KCNMA1: variants seen among roughly 807,000 people sequenced by gnomAD.
KCNMA1 encodes potassium calcium-activated channel subfamily M alpha 1.
A neutral mutation model predicts 140.0 loss-of-function variants in KCNMA1; 29 were observed. That is an observed-to-expected ratio of 0.21 (90% confidence interval 0.15 to 0.28). The LOEUF (loss-of-function observed/expected upper bound fraction) is 0.28, where lower values mean the gene tolerates loss of function less well. KCNMA1 is among the 10% of genes least tolerant of loss of function. The pLI, the probability that KCNMA1 is intolerant of heterozygous loss-of-function variation, is 1.00. For synonymous variants in KCNMA1, 612 were observed against 611.9 expected (o/e 1.00, Z 0.00); for missense variants, 880 against 1,602.2 (o/e 0.55, Z 7.70).
chr10:77,475,626 G>A (rs1470241703), intron 1 of KCNMA1, among the ~76,000 whole-genome samples: 1 of 152,112 alleles, frequency 6.6e-6, no homozygotes, highest in African/African-American at 2.4e-5. Context: ...AAAGCACAAG[G>A]CTTGGGTTCT....
intron 23 of KCNMA1, among the ~76,000 whole-genome samples, chr10:76,938,412 C>A (rs2061128655): frequency 6.6e-6 from 1 of 152,198 alleles, no homozygotes; most frequent in Non-Finnish European, 1.5e-5. Context: ...TACAGTGACT[C>A]CTTCTAGAAC....
chr10:77,236,377 T>C (rs1429540818), intron 3 of KCNMA1, among the ~76,000 whole-genome samples: 2 of 152,200 alleles, frequency 1.3e-5, no homozygotes, highest in Non-Finnish European at 2.9e-5. Flanking sequence ...TGCAGTCCTA[T>C]GCATTATCGA....
At chr10:76,919,501 G>A (rs2054422078) in intron 23 of KCNMA1, among the ~76,000 whole-genome samples, 1 of 152,088 alleles carries the variant, frequency 6.6e-6, no homozygotes, top group Admixed American at 6.5e-5. Flanking sequence ...TCTATATACT[G>A]TATAAGAACT....
At chr10:77,376,132 T>C (rs984676293) in intron 2 of KCNMA1, among the ~76,000 whole-genome samples, 5 of 152,222 alleles carry the variant, frequency 3.3e-5, no homozygotes, top group African/African-American at 1.2e-4. Context: ...AAGAGGCTCT[T>C]GCTGCTGGCA....
At chr10:77,215,742 T>C (rs1037677956) in intron 3 of KCNMA1, among the ~76,000 whole-genome samples, 9 of 152,182 alleles carry the variant, frequency 5.9e-5, no homozygotes, top group African/African-American at 1.9e-4. Flanking sequence ...CCCAGTGTTA[T>C]GGCATTTGGA....
chr10:77,612,980 A>G (rs2087583264), intron 1 of KCNMA1, among the ~76,000 whole-genome samples: 1 of 152,108 alleles, frequency 6.6e-6, no homozygotes, highest in African/African-American at 2.4e-5. Context: ...TATTTTGGGA[A>G]TAAATTACAA....
At chr10:77,423,503 T>A (rs1003760913) in intron 1 of KCNMA1, among the ~76,000 whole-genome samples, 4 of 152,208 alleles carry the variant, frequency 2.6e-5, no homozygotes, top group African/African-American at 9.7e-5. Flanking sequence ...CATAGTCCTG[T>A]GCCCGATACC....
chr10:77,313,318 A>G (rs2079849755), intron 2 of KCNMA1, among the ~76,000 whole-genome samples: 1 of 152,206 alleles, frequency 6.6e-6, no homozygotes, highest in East Asian at 1.9e-4. Context: ...GAAGAAAGGA[A>G]TCAATATACA....
intron 2 of KCNMA1, among the ~76,000 whole-genome samples, chr10:77,333,718 G>A (rs968811190): frequency 6.6e-6 from 1 of 152,138 alleles, no homozygotes; most frequent in Non-Finnish European, 1.5e-5. Flanking sequence ...CTGCATTAGA[G>A]GATATTTCAG....
intron 9 of KCNMA1, among the ~76,000 whole-genome samples, chr10:77,105,647 A>G (rs1193162017): frequency 2.6e-5 from 4 of 152,206 alleles, no homozygotes; most frequent in African/African-American, 9.6e-5. Context: ...GGCAGAGCAC[A>G]TGGACTTATG....
At chr10:77,501,523 C>A (rs866385432) in intron 1 of KCNMA1, among the ~76,000 whole-genome samples, 1 of 152,188 alleles carries the variant, frequency 6.6e-6, no homozygotes, top group African/African-American at 2.4e-5. Context: ...CTGGCTGGAG[C>A]GGCCAGTTGA....
At chr10:77,155,626 C>T (rs1419051188) in intron 5 of KCNMA1, among the ~76,000 whole-genome samples, 4 of 152,066 alleles carry the variant, frequency 2.6e-5, no homozygotes, top group Admixed American at 6.6e-5. Flanking sequence ...TATGCCTGAA[C>T]GTCAACACAA....
intron 1 of KCNMA1, among the ~76,000 whole-genome samples, chr10:77,566,918 GAA>G (rs937373575): frequency 5.3e-5 from 8 of 152,076 alleles, no homozygotes; most frequent in Admixed American, 3.9e-4. Context: ...ATGAAAAGAG[GAA>G]AAGAGAGAGA....
intron 1 of KCNMA1, among the ~76,000 whole-genome samples, chr10:77,614,546 T>C (rs377118161): frequency 1.3e-4 from 20 of 152,300 alleles, no homozygotes; most frequent in Middle Eastern, 3.4e-3. Flanking sequence ...TAAATGCCAT[T>C]ATTCTACCTG....
At chr10:77,405,202 A>G (rs2096432660) in intron 1 of KCNMA1, among the ~76,000 whole-genome samples, 1 of 151,982 alleles carries the variant, frequency 6.6e-6, no homozygotes, top group African/African-American at 2.4e-5. Flanking sequence ...TTGCTCAAAT[A>G]TCTCCTTTTC....
At chr10:77,416,800 A>G (rs2096751970) in intron 1 of KCNMA1, among the ~76,000 whole-genome samples, 1 of 152,186 alleles carries the variant, frequency 6.6e-6, no homozygotes, top group Non-Finnish European at 1.5e-5. Flanking sequence ...CACGGTGAGC[A>G]TTTCACAGTG....
intron 20 of KCNMA1, among the ~76,000 whole-genome samples, chr10:76,966,839 G>A (rs995287977): frequency 5.9e-5 from 9 of 152,138 alleles, no homozygotes; most frequent in Non-Finnish European, 1.5e-5. Context: ...CTCAGCCTGG[G>A]GCCCAGACAC....
chr10:77,172,208 A>ATT (rs1270173475), intron 5 of KCNMA1, among the ~76,000 whole-genome samples: 1 of 152,192 alleles, frequency 6.6e-6, no homozygotes, highest in Non-Finnish European at 1.5e-5. Flanking sequence ...AGTCCTAGAG[A>ATT]TTTAGGTTGC....
chr10:77,387,545 CTTTTCTTTTCT>C (rs1345257203), intron 2 of KCNMA1, among the ~76,000 whole-genome samples: 28 of 109,592 alleles, frequency 2.6e-4, no homozygotes, highest in African/African-American at 1.0e-3. Context: ...CTTTTCTTTT[CTTTTCTTTTCT>C]TTTTCTTTTC....
Sources: allele counts gnomAD v4.1 joint callset (sites outside exome capture counted in the v4.1 genomes callset), GRCh38; gene constraint gnomAD v4.1.1; transcripts MANE v1.5; gene names NCBI Gene and HGNC (gene_info 2026-07-23, HGNC 2026-07-21).